CNTNAP2: variants seen among roughly 807,000 people sequenced by gnomAD.
CNTNAP2 encodes contactin associated protein 2, also known as contactin-associated protein-like 2.
Under a neutral mutation model 155.2 loss-of-function variants are expected in CNTNAP2, and 98 were observed. The ratio of observed to expected loss-of-function variants is 0.63; its 90% CI spans 0.54 to 0.75. CNTNAP2 has a LOEUF of 0.75. Ranked by LOEUF, CNTNAP2 falls within the 30% of genes least tolerant of loss-of-function variation. The pLI is 0.00. For synonymous variants in CNTNAP2, 651 were observed against 631.2 expected (o/e 1.03, Z -0.47); for missense variants, 1,727 against 1,688.1 (o/e 1.02, Z -0.40).
chr7:147,408,816 A>G (rs7803877), intron 10 of CNTNAP2, among the ~76,000 whole-genome samples: 71,574 of 152,030 alleles, frequency 0.47, 19,640 homozygotes, highest in African/African-American at 0.77. Context: ...TTATCCTTTG[A>G]GCAATACGCA....
At chr7:147,269,420 GA>G (rs1467596514) in intron 8 of CNTNAP2, among the ~76,000 whole-genome samples, 2 of 152,106 alleles carry the variant, frequency 1.3e-5, no homozygotes, top group African/African-American at 4.8e-5. Flanking sequence ...ATGCAATCCA[GA>G]CCCTGTAACA....
intron 1 of CNTNAP2, among the ~76,000 whole-genome samples, chr7:146,534,898 G>T (rs1797823609): frequency 6.7e-6 from 1 of 148,926 alleles, no homozygotes; most frequent in African/African-American, 2.5e-5. Flanking sequence ...AACAAAAATA[G>T]TATCACTTAA....
intron 3 of CNTNAP2, among the ~76,000 whole-genome samples, chr7:146,866,124 C>A (rs1165493221): frequency 6.6e-6 from 1 of 151,994 alleles, no homozygotes; most frequent in Non-Finnish European, 1.5e-5. Context: ...TTCCAATGTT[C>A]CCCCCGACAG....
At chr7:147,867,740 C>A (rs1013308294) in intron 13 of CNTNAP2, among the ~76,000 whole-genome samples, 1 of 152,080 alleles carries the variant, frequency 6.6e-6, no homozygotes, top group Non-Finnish European at 1.5e-5. Context: ...TTGATCGAAT[C>A]AGCTGTTGAA....
intron 10 of CNTNAP2, among the ~76,000 whole-genome samples, chr7:147,422,863 A>G (rs1797318313): frequency 6.6e-6 from 1 of 152,206 alleles, no homozygotes; most frequent in African/African-American, 2.4e-5. Flanking sequence ...CTTTGTTATT[A>G]TTGCTTTGGA....
chr7:147,985,730 G>A (rs1240553162), intron 15 of CNTNAP2, among the ~76,000 whole-genome samples: 1 of 152,124 alleles, frequency 6.6e-6, no homozygotes, highest in Non-Finnish European at 1.5e-5. Flanking sequence ...ATTCTCAGTA[G>A]TATCACATGC....
chr7:146,191,578 G>C (rs910632050), intron 1 of CNTNAP2, among the ~76,000 whole-genome samples: 1 of 152,074 alleles, frequency 6.6e-6, no homozygotes, highest in Admixed American at 6.6e-5. Context: ...GGAGACCAGG[G>C]CTTATTTCAT....
At chr7:146,852,789 C>T (rs1794904433) in intron 3 of CNTNAP2, among the ~76,000 whole-genome samples, 1 of 152,152 alleles carries the variant, frequency 6.6e-6, no homozygotes, top group South Asian at 2.1e-4. Context: ...TTCATTAGTT[C>T]TCCCAGTATT....
intron 9 of CNTNAP2, among the ~76,000 whole-genome samples, chr7:147,344,908 T>C (rs563094198): frequency 6.6e-6 from 1 of 152,298 alleles, no homozygotes; most frequent in South Asian, 2.1e-4. Context: ...CAAATCAACA[T>C]CTCTTTGTTT....
At chr7:146,783,703 G>A (rs1236884827) in intron 2 of CNTNAP2, among the ~76,000 whole-genome samples, 4 of 152,180 alleles carry the variant, frequency 2.6e-5, no homozygotes, top group African/African-American at 9.7e-5. Flanking sequence ...GCTAGGTTTT[G>A]TTGCAATTTC....
intron 8 of CNTNAP2, among the ~76,000 whole-genome samples, chr7:147,215,909 T>C (rs1049142355): frequency 3.3e-5 from 5 of 152,170 alleles, no homozygotes; most frequent in Admixed American, 6.5e-5. Context: ...TATCTCATTG[T>C]TGTTTTAATT....
chr7:147,970,981 G>T (rs1478187572), intron 14 of CNTNAP2, among the ~76,000 whole-genome samples: 1 of 152,160 alleles, frequency 6.6e-6, no homozygotes, highest in Non-Finnish European at 1.5e-5. Context: ...CAAAGGTGAG[G>T]AAAACAGACA....
At chr7:147,409,788 TG>T (rs1463781831) in intron 10 of CNTNAP2, among the ~76,000 whole-genome samples, 1 of 147,568 alleles carries the variant, frequency 6.8e-6, no homozygotes, top group Non-Finnish European at 1.5e-5. Context: ...TGAACCATCA[TG>T]AAAAAAAAAA....
At chr7:148,047,607 T>C (rs1802797725) in intron 15 of CNTNAP2, among the ~76,000 whole-genome samples, 1 of 152,134 alleles carries the variant, frequency 6.6e-6, no homozygotes, top group Admixed American at 6.5e-5. Context: ...AAGACATTTG[T>C]TTGCAGTATG....
At chr7:148,350,032 T>C (rs192558397) in intron 21 of CNTNAP2, among the ~76,000 whole-genome samples, 5 of 152,220 alleles carry the variant, frequency 3.3e-5, no homozygotes, top group Admixed American at 2.0e-4. Flanking sequence ...CCTCTGTGGA[T>C]GATGGATGGT....
At chr7:148,135,973 G>GAGGAAGGAAGGAATGAAGGAAGGA (rs1554476169) in intron 16 of CNTNAP2, among the ~76,000 whole-genome samples, 4 of 40,196 alleles carry the variant, frequency 1.0e-4, no homozygotes, top group East Asian at 1.7e-3. Flanking sequence ...GGAAGAGAGG[G>GAGGAAGGAAGGAATGAAGGAAGGA]AGGAAGGAAG....
At chr7:146,744,249 A>AAAAAAAAC (rs1801771845) in intron 1 of CNTNAP2, among the ~76,000 whole-genome samples, 1 of 150,978 alleles carries the variant, frequency 6.6e-6, no homozygotes, top group Non-Finnish European at 1.5e-5. Context: ...AAAAAAAAAA[A>AAAAAAAAC]AAGCATTTAG....
At chr7:146,916,708 T>C (rs1055278825) in intron 3 of CNTNAP2, among the ~76,000 whole-genome samples, 1 of 152,278 alleles carries the variant, frequency 6.6e-6, no homozygotes, top group African/African-American at 2.4e-5. Context: ...TCTTTTCTCT[T>C]CTTTTTTTGG....
At chr7:146,712,139 A>G (rs1237653389) in intron 1 of CNTNAP2, among the ~76,000 whole-genome samples, 2 of 129,340 alleles carry the variant, frequency 1.5e-5, no homozygotes, top group Non-Finnish European at 3.3e-5. Flanking sequence ...TATCTTATGT[A>G]TACTATATAG....
Sources: gnomAD v4.1 joint callset for allele counts (sites outside exome capture counted in the v4.1 genomes callset) on GRCh38, gnomAD v4.1.1 for gene constraint, MANE v1.5 for transcripts, NCBI Gene and HGNC (gene_info 2026-07-23, HGNC 2026-07-21) for gene names.